RALGAPA2: variants seen among roughly 807,000 people sequenced by gnomAD.
The protein encoded by RALGAPA2 is ral GTPase-activating protein subunit alpha-2.
RALGAPA2 carries 139 observed loss-of-function variants against 230.4 expected under a neutral mutation model. The observed-to-expected ratio is 0.60, with a 90% CI of 0.53 to 0.69. The LOEUF (loss-of-function observed/expected upper bound fraction) is 0.69. Ranked by LOEUF, RALGAPA2 falls within the 30% of genes least tolerant of loss-of-function variation. The probability of loss-of-function intolerance (pLI) is 0.00; values close to 1 mark genes in which losing one functional copy is unlikely to be tolerated. For missense variants in RALGAPA2, 2,163 were observed against 2,276.0 expected (o/e 0.95, Z 1.01); for synonymous variants, 847 against 837.8 (o/e 1.01, Z -0.19).
intron 4 of RALGAPA2, among the ~76,000 whole-genome samples, chr20:20,645,413 C>T (rs926818813): frequency 4.6e-5 from 7 of 151,908 alleles, no homozygotes; most frequent in Non-Finnish European, 1.0e-4. Context: ...CGTGCCCGGC[C>T]GTTAGTGTTG....
chr20:20,709,868 T>A (rs375166615), intron 1 of RALGAPA2, among the ~76,000 whole-genome samples: 1 of 152,146 alleles, frequency 6.6e-6, no homozygotes. Flanking sequence ...ATCACTATTA[T>A]CAAAAATAAG....
chr20:20,458,562 T>A (rs6082004), intron 37 of RALGAPA2, among the ~76,000 whole-genome samples: 2 of 126,232 alleles, frequency 1.6e-5, no homozygotes, highest in African/African-American at 3.5e-5. Context: ...TTATATATAT[T>A]ATATATATAA....
At position 20,583,200 on chromosome 20, in the gene RALGAPA2, G is replaced by T. The variant is rs1168347420; in HGVS notation, c.2557C>A (p.Leu853Met). 1 of 1,610,410 alleles carries T rather than the reference G, an allele frequency of 6.2e-7. No individual in the cohort carries two copies. The highest frequency in any genetic ancestry group is 2.2e-5 in the East Asian group (1 of 44,848). Reference sequence around the variant, plus strand: ...AGCTCTGCCTCATTGGTACAGCCCAGAGTTGTGTCACTGTTGGTACTTTCA... The same window carrying T: ...AGCTCTGCCTCATTGGTACAGCCCATAGTTGTGTCACTGTTGGTACTTTCA... ...KSESTNSDTT[L>M]GCTNEAELSM... The change falls in exon 20 of 40, where the codon CTG becomes ATG. Residue 853 changes from leucine (L) to methionine (M), a missense_variant. Transcript: ENST00000202677.
intron 23 of RALGAPA2, among the ~76,000 whole-genome samples, chr20:20,557,036 G>A (rs185210699): frequency 5.8e-4 from 88 of 152,296 alleles, no homozygotes; most frequent in African/African-American, 1.4e-3. Context: ...GCGGCCGAGC[G>A]TGATGGCTTA....
At position 20,591,251 on chromosome 20, in the gene RALGAPA2, C is replaced by A; in HGVS notation, c.2267G>T (p.Gly756Val). ...GCTCCGAAGGACCTGCTGCTGCTGTCCCACTGTGAGATGGCCAGATCCGGC... is the reference window on the plus strand; with the variant it reads ...GCTCCGAAGGACCTGCTGCTGCTGTACCACTGTGAGATGGCCAGATCCGGC... ...PAAGSGHLTV[G>V]QQQQVLRSSS... The change falls in exon 17 of 40, where the codon GGA becomes GTA. Residue 756 changes from glycine (G) to valine (V), a missense_variant. Transcript: ENST00000202677. 6.2e-7 allele frequency: 1 copy of A among 1,613,920 alleles called. No homozygotes were observed. The highest frequency in any genetic ancestry group is 8.5e-7 in the Non-Finnish European group (1 of 1,179,856).
At chr20:20,505,338 T>C (rs1385948646) in intron 34 of RALGAPA2, 73 bp downstream of exon 34, 2 of 1,369,342 alleles carry the variant, frequency 1.5e-6, no homozygotes, top group East Asian at 5.5e-5. Flanking sequence ...TGTAAAAACT[T>C]ACACAATGTC....
chr20:20,419,459 A>G (rs1057257893), intron 37 of RALGAPA2, among the ~76,000 whole-genome samples: 1 of 152,190 alleles, frequency 6.6e-6, no homozygotes, highest in African/African-American at 2.4e-5. Flanking sequence ...GAGAAAGCAG[A>G]AAAGAGACAG....
In RALGAPA2 at chr20:20,448,957, G is replaced by A. The variant is rs879600064; in HGVS notation, c.5495+23872C>T. Among the ~76,000 whole-genome samples the A allele has an allele frequency of 7.2e-5, 11 of 151,914 alleles. No individual in the cohort carries two copies. In the South Asian group the frequency reaches 8.3e-4, roughly 11 times the overall value. ...GTCCATAATTAGCACCTCCCATGGC[G>A]GGTTTTCTAGAATCTTAACACAGAA... On this transcript the variant is annotated intron_variant, in intron 37 of 39. Coordinates refer to ENST00000202677, the MANE Select transcript of RALGAPA2 (RefSeq NM_020343.4).
At chr20:20,420,883 A>G (rs938188350) in intron 37 of RALGAPA2, among the ~76,000 whole-genome samples, 1 of 152,218 alleles carries the variant, frequency 6.6e-6, no homozygotes, top group Non-Finnish European at 1.5e-5. Context: ...ATTTTACAAA[A>G]CTAGGAAATT....
intron 9 of RALGAPA2, among the ~76,000 whole-genome samples, chr20:20,630,339 A>T (rs1195487501): frequency 6.6e-6 from 1 of 152,234 alleles, no homozygotes; most frequent in East Asian, 1.9e-4. Flanking sequence ...TGTCAAAAAT[A>T]TATAGCCCAA....
Position 20,472,883 on chromosome 20 carries a change from G to T in RALGAPA2, c.5441C>A (p.Thr1814Lys). 1 of 1,613,608 alleles carries T rather than the reference G, an allele frequency of 6.2e-7. No homozygotes were observed. Among genetic ancestry groups the T allele is most frequent in the East Asian group, 2.2e-5 (1 of 44,872 alleles). The change falls in exon 37 of 40, where the codon ACG becomes AAG. Residue 1814 changes from threonine (T) to lysine (K), a missense_variant. Thr to Lys is a moderately conservative substitution (Grantham distance 78). Coordinates refer to ENST00000202677, the MANE Select transcript of RALGAPA2 (RefSeq NM_020343.4). Reference sequence around the variant, plus strand: ...CACAGCCCTGCTGGCGTTGATGCACGTGGCACATACAAGGCTTGGCAGCAG... The same window carrying T: ...CACAGCCCTGCTGGCGTTGATGCACTTGGCACATACAAGGCTTGGCAGCAG... ...GKLLPSLVCA[T>K]CINASRAVKC... is the part of the protein sequence containing the mutation.
chr20:20,497,946 C>T (rs1005826069), intron 35 of RALGAPA2, among the ~76,000 whole-genome samples: 5 of 152,140 alleles, frequency 3.3e-5, no homozygotes, highest in Admixed American at 2.0e-4. Context: ...TGGGAGCAAT[C>T]GGCTGATAAA....
intron 23 of RALGAPA2, among the ~76,000 whole-genome samples, chr20:20,567,418 T>C (rs2064466921): frequency 6.6e-6 from 1 of 152,112 alleles, no homozygotes; most frequent in Non-Finnish European, 1.5e-5. Flanking sequence ...GATGAAGAAC[T>C]GAGAAGGCAA....
At chr20:20,435,020 T>C (rs1176548410) in intron 37 of RALGAPA2, among the ~76,000 whole-genome samples, 1 of 152,264 alleles carries the variant, frequency 6.6e-6, no homozygotes, top group African/African-American at 2.4e-5. Flanking sequence ...TCCTACCCCA[T>C]GCCCAGAAGC....
intron 18 of RALGAPA2, among the ~76,000 whole-genome samples, chr20:20,586,133 G>C (rs2065127157): frequency 6.6e-6 from 1 of 152,110 alleles, no homozygotes; most frequent in South Asian, 2.1e-4. Flanking sequence ...CTATATGAGA[G>C]ACACAATACC....
chr20:20,422,444 G>C (rs184443072), intron 37 of RALGAPA2, among the ~76,000 whole-genome samples: 3,568 of 152,190 alleles, frequency 0.023, 74 homozygotes, highest in Non-Finnish European at 0.031. Context: ...AATGGCACGT[G>C]CCTGTGGTTC....
In RALGAPA2 at chr20:20,680,705, C is replaced by A. The variant is rs754843286; in HGVS notation, c.203G>T (p.Ser68Ile). 6.4e-7 allele frequency: 1 copy of A among 1,554,584 alleles called. No homozygotes were observed. Among genetic ancestry groups the A allele is most frequent in the South Asian group, 1.2e-5 (1 of 80,502 alleles). The change falls in exon 2 of 40, where the codon AGT becomes ATT. Residue 68 changes from serine to isoleucine, a missense_variant. Transcript: ENST00000202677. Reference sequence around the variant, plus strand: ...GAAATGCTTACCTTTTAATTTCAAACTATTTTCCAGTGCTATAAAATTTTC... The same window carrying A: ...GAAATGCTTACCTTTTAATTTCAAAATATTTTCCAGTGCTATAAAATTTTC... ...FYENFIALEN[S>I]LKLKGNNKSQ... is the part of the protein sequence containing the mutation.
At chr20:20,608,535 T>C (rs1040772437) in intron 14 of RALGAPA2, among the ~76,000 whole-genome samples, 1 of 151,530 alleles carries the variant, frequency 6.6e-6, no homozygotes, top group Non-Finnish European at 1.5e-5. Flanking sequence ...ATAAAAAGGG[T>C]AATAAAAACT....
chr20:20,647,150 C>A (rs1603190282), intron 4 of RALGAPA2, among the ~76,000 whole-genome samples: 1 of 152,128 alleles, frequency 6.6e-6, no homozygotes, highest in Non-Finnish European at 1.5e-5. Context: ...TTTTAAAGAT[C>A]TTTTAATAAT....
Sources: allele counts gnomAD v4.1 joint callset (sites outside exome capture counted in the v4.1 genomes callset), GRCh38; gene constraint gnomAD v4.1.1; transcripts MANE v1.5; gene names NCBI Gene and HGNC (gene_info 2026-07-23, HGNC 2026-07-21).